Variants in GALNT3 observed in about 807,000 individuals in gnomAD.
GALNT3 encodes the protein GalNAc transferase 3.
A neutral mutation model predicts 69.8 loss-of-function variants in GALNT3; 51 were observed. The ratio of observed to expected loss-of-function variants is 0.73; its 90% CI spans 0.58 to 0.92. GALNT3 has a LOEUF of 0.92. Among genes scored for constraint, GALNT3 ranks in the 40% least tolerant of loss-of-function variants. The pLI is 0.00. For missense variants in GALNT3, 711 were observed against 760.0 expected (o/e 0.94, Z 0.76); for synonymous variants, 265 against 248.5 (o/e 1.07, Z -0.63).
At chr2:165,767,869 C>CTTTTTT (rs34044047) in intron 2 of GALNT3, among the ~76,000 whole-genome samples, 1 of 82,464 alleles carries the variant, frequency 1.2e-5, no homozygotes, top group East Asian at 3.3e-4. Flanking sequence ...AAAAACAAAT[C>CTTTTTT]TTTTTTTTTT....
Position 165,770,210 on chromosome 2 carries a change from A to G in GALNT3, c.491T>C (p.Leu164Pro), listed in dbSNP as rs1433255815. The change falls in exon 2 of 11, where the codon CTT becomes CCT. Residue 164 changes from leucine to proline, a missense_variant. Coordinates refer to ENST00000392701, the MANE Select transcript of GALNT3 (RefSeq NM_004482.4). ...CTCAGGAGGTCGAGTGTCTGGTCCA[A>G]GATCTCGGTGCAAAGAAATCCTGTC... ...ASDRISLHRD[L>P]GPDTRPPECI... is the part of the protein sequence containing the mutation. 3 of 1,614,046 alleles carry G rather than the reference A, an allele frequency of 1.9e-6. No individual in the cohort carries two copies. The Admixed American group carries it at 5.0e-5, about 27-fold the overall frequency.
rs144274514 is a variant in GALNT3, at chr2:165,774,936, A to T, written c.-108-4128T>A. Reference sequence around the variant, plus strand: ...TTTTTTTTTTTTTTTTTTTTTGTAGAGATGAGGTCTCACTATGCTGCCCAG... The same window carrying T: ...TTTTTTTTTTTTTTTTTTTTTGTAGTGATGAGGTCTCACTATGCTGCCCAG... On this transcript the variant is annotated intron_variant, in intron 1 of 10. Coordinates refer to ENST00000392701, the MANE Select transcript of GALNT3 (RefSeq NM_004482.4). Among the ~76,000 whole-genome samples, 752 of 95,224 alleles carry T rather than the reference A, an allele frequency of 7.9e-3. 8 individuals are homozygous for T. Among genetic ancestry groups the T allele is most frequent in the African/African-American group, 0.034 (711 of 21,056 alleles). The allele number at this position is 95,224 out of a possible 152,430, so 62.5% of individuals were successfully genotyped here.
rs1688491326 is a variant in GALNT3, at chr2:165,758,768, TTCACC to T, written c.1165_1169del (p.Gly389LysfsTer34). On this transcript the variant is annotated frameshift_variant, in exon 6 of 11. Transcript: ENST00000392701. LOFTEE classifies it high-confidence loss of function. ...TTACTCTGAAAGACATTTCTATATT[TTCACC>T]TCCCCAGATTTCCATTTCTTCATCA... The T allele has an allele frequency of 6.3e-7, 1 of 1,586,324 alleles. No individual in the cohort carries two copies. Among genetic ancestry groups the T allele is most frequent in the South Asian group, 1.1e-5 (1 of 90,490 alleles).
In GALNT3 at chr2:165,748,396, A is replaced by G. The variant is rs1244391799; in HGVS notation, c.*385T>C. 7.4e-6 allele frequency: 2 copies of G among 271,380 alleles called. No homozygotes were observed. The highest frequency in any genetic ancestry group is 4.4e-5 in the African/African-American group (2 of 45,356). The allele number at this position is 271,380 out of a possible 1,614,324, so 16.8% of individuals were successfully genotyped here. ...TGTAGTTAAAAAAATACAGTAACAA[A>G]TCTTTCTTCCTATCCCCCCAAAAAA... On this transcript the variant is annotated 3_prime_UTR_variant, in exon 11 of 11. Coordinates refer to ENST00000392701, the MANE Select transcript of GALNT3 (RefSeq NM_004482.4).
At chr2:165,790,712 C>G (rs1683329154) in intron 1 of GALNT3, among the ~76,000 whole-genome samples, 1 of 152,056 alleles carries the variant, frequency 6.6e-6, no homozygotes, top group African/African-American at 2.4e-5. Context: ...ATTATCCAAT[C>G]AGAGCTTCCA....
chr2:165,788,466 G>GGGGTGTGT (rs1553496967), intron 1 of GALNT3, among the ~76,000 whole-genome samples: 143 of 139,598 alleles, frequency 1.0e-3, no homozygotes, highest in African/African-American at 3.5e-3. Context: ...AATCCAAAAG[G>GGGGTGTGT]GTGTGTGTGT....
chr2:165,779,289 G>A (rs1419574039), intron 1 of GALNT3, among the ~76,000 whole-genome samples: 1 of 152,076 alleles, frequency 6.6e-6, no homozygotes, highest in Non-Finnish European at 1.5e-5. Flanking sequence ...AAATTTACAA[G>A]GCCCAGCTCC....
At chr2:165,774,909 CTTTTT>C (rs71031204) in intron 1 of GALNT3, among the ~76,000 whole-genome samples, 10 of 104,328 alleles carry the variant, frequency 9.6e-5, no homozygotes, top group African/African-American at 3.8e-4. Context: ...CTTCTTCTCT[CTTTTT>C]TTTTTTTTTT....
At chr2:165,790,389 T>G (rs1475760650) in intron 1 of GALNT3, among the ~76,000 whole-genome samples, 4 of 152,198 alleles carry the variant, frequency 2.6e-5, no homozygotes, top group African/African-American at 9.6e-5. Flanking sequence ...GTTTTCCCCC[T>G]TAGTGTACAT....
At position 165,775,490 on chromosome 2, in the gene GALNT3, A is replaced by G. The variant is rs543080725; in HGVS notation, c.-108-4682T>C. Among the ~76,000 whole-genome samples, 6 of 152,174 alleles carry G rather than the reference A, an allele frequency of 3.9e-5. No homozygotes were observed. The South Asian group carries it at 1.2e-3, about 32-fold the overall frequency. On this transcript the variant is annotated intron_variant, in intron 1 of 10. Transcript: ENST00000392701. ...TTTCAGACTATTTCTGAAGGGATTA[A>G]TCTTCTCTTATCAACCCTGATCACT...
In GALNT3 at chr2:165,749,769, AG is replaced by A; in HGVS notation, c.1751del (p.Thr584MetfsTer19). On this transcript the variant is annotated frameshift_variant, in exon 10 of 11. Transcript: ENST00000392701. LOFTEE classifies it high-confidence loss of function. Reference protein sequence around the residue: ...CTYKGHKTVVTGEQIWEIQKD... With the variant: ...CTYKGHKTVVXGEQIWEIQKD... Reference sequence around the variant, plus strand: ...TCTGGATCTCCCATATCTGCTCTCCAGTGACAACTGTCTTGTGACCTTTGTA... The same window carrying A: ...TCTGGATCTCCCATATCTGCTCTCCATGACAACTGTCTTGTGACCTTTGTA... 1 of 1,613,638 alleles carries A rather than the reference AG, an allele frequency of 6.2e-7. No individual in the cohort carries two copies. The highest frequency in any genetic ancestry group is 8.5e-7 in the Non-Finnish European group (1 of 1,179,598).
At chr2:165,793,295 A>T (rs1478645442) in intron 1 of GALNT3, among the ~76,000 whole-genome samples, 1 of 152,148 alleles carries the variant, frequency 6.6e-6, no homozygotes, top group African/African-American at 2.4e-5. Context: ...TCCTCTAACG[A>T]GATGGTGAGT....
intron 4 of GALNT3, 146 bp from the exon 5 acceptor site, chr2:165,759,716 C>T: frequency 1.5e-6 from 1 of 671,138 alleles, no homozygotes; most frequent in Non-Finnish European, 2.6e-6. Flanking sequence ...CTTTCTTCCT[C>T]AGATTTATTG....
chr2:165,778,506 A>G (rs914577129), intron 1 of GALNT3, among the ~76,000 whole-genome samples: 1 of 152,200 alleles, frequency 6.6e-6, no homozygotes, highest in Admixed American at 6.5e-5. Context: ...GGAGTTAAGG[A>G]GAATTCTAAA....
At chr2:165,788,241 T>C (rs1158458782) in intron 1 of GALNT3, among the ~76,000 whole-genome samples, 1 of 137,082 alleles carries the variant, frequency 7.3e-6, no homozygotes, top group Non-Finnish European at 1.5e-5. Flanking sequence ...GGCATGAACC[T>C]AGGAGGCAGA....
intron 1 of GALNT3, among the ~76,000 whole-genome samples, chr2:165,781,419 A>C (rs2105226111): frequency 6.6e-6 from 1 of 151,804 alleles, no homozygotes; most frequent in East Asian, 1.9e-4. Context: ...ATATGGCAAA[A>C]CCCCATCTCC....
chr2:165,760,130 G>A (rs768236022), intron 4 of GALNT3, among the ~76,000 whole-genome samples: 7 of 152,280 alleles, frequency 4.6e-5, no homozygotes, highest in Non-Finnish European at 7.3e-5. Flanking sequence ...TGGCCTATGA[G>A]TCAAAGGTAG....
intron 9 of GALNT3, among the ~76,000 whole-genome samples, chr2:165,752,588 C>T (rs951280775): frequency 6.6e-6 from 1 of 151,908 alleles, no homozygotes; most frequent in African/African-American, 2.4e-5. Context: ...ATTTTTGATA[C>T]AGAGCTATCA....
chr2:165,770,021 C>T (rs1265775502), intron 2 of GALNT3, 165 bp downstream of exon 2: 2 of 786,586 alleles, frequency 2.5e-6, no homozygotes, highest in Non-Finnish European at 4.3e-6. Context: ...GGATATGTAG[C>T]CTCAATCATT....
Sources: allele counts gnomAD v4.1 joint callset (sites outside exome capture counted in the v4.1 genomes callset), GRCh38; gene constraint gnomAD v4.1.1; transcripts MANE v1.5; gene names NCBI Gene and HGNC (gene_info 2026-07-23, HGNC 2026-07-21).